COL21A1: variants seen among roughly 807,000 people sequenced by gnomAD.
COL21A1 encodes collagen alpha-1(XXI) chain.
Under a neutral mutation model 137.9 loss-of-function variants are expected in COL21A1, and 149 were observed. The ratio of observed to expected loss-of-function variants is 1.08; its 90% CI spans 0.95 to 1.24. COL21A1 has a LOEUF of 1.24. Ranked by LOEUF, COL21A1 falls within the 50% of genes most tolerant of loss-of-function variation. The pLI is 0.00. For synonymous variants in COL21A1, 456 were observed against 391.5 expected, an observed-to-expected ratio of 1.16 and a Z score of -1.95; for missense variants, 1,167 against 1,158.4, an observed-to-expected ratio of 1.01 and a Z score of -0.11.
At chr6:56,164,305 C>T (rs904796174) in intron 9 of COL21A1, 118 bp downstream of exon 9, 13 of 729,274 alleles carry the variant, frequency 1.8e-5, no homozygotes, top group Non-Finnish European at 3.0e-5. Flanking sequence ...AGGTTTTAAA[C>T]TCTATAAGAA....
intron 1 of COL21A1, among the ~76,000 whole-genome samples, chr6:56,199,030 A>T (rs1291695821): frequency 6.6e-6 from 1 of 151,878 alleles, no homozygotes; most frequent in Non-Finnish European, 1.5e-5. Context: ...TCCCTTCTCC[A>T]CTCTTCCCAC....
chr6:56,285,638 T>C (rs866088186), intron 1 of COL21A1, among the ~76,000 whole-genome samples: 37 of 152,326 alleles, frequency 2.4e-4, no homozygotes, highest in Middle Eastern at 6.8e-3. Flanking sequence ...TAAATTGGTA[T>C]AGTCTTCTCA....
At chr6:56,169,475 C>T (rs1206088072) in intron 5 of COL21A1, among the ~76,000 whole-genome samples, 2 of 152,104 alleles carry the variant, frequency 1.3e-5, no homozygotes, top group Admixed American at 6.5e-5. Flanking sequence ...GTCCAAACCA[C>T]ATTATATGGC....
intron 3 of COL21A1, among the ~76,000 whole-genome samples, chr6:56,176,430 A>T (rs997065632): frequency 1.1e-4 from 17 of 150,978 alleles, no homozygotes; most frequent in Non-Finnish European, 1.6e-4. Flanking sequence ...AACAAAAAAA[A>T]AACTGATTAA....
rs554488734 is a variant in COL21A1 at position 56,276,738 on chromosome 6, C to T, written c.-38-94082G>A. The T allele has an allele frequency of 3.8e-6, 5 of 1,323,472 alleles. No homozygotes were observed. In the Admixed American group the frequency reaches 5.1e-5, roughly 13 times the overall value. The allele number at this position is 1,323,472 out of a possible 1,614,324, so 82.0% of individuals were successfully genotyped here. A position where few individuals can be genotyped will look rare whatever the true frequency, so the allele number is the denominator to read the frequency against. ...CACGGCTTCCTTATAAACAGAACTG[C>T]CATCAAGTATCCAAATCATCTCTAC... On this transcript the variant is annotated intron_variant, in intron 1 of 28. Transcript: ENST00000370819.
At chr6:56,322,746 T>C (rs1291635303) in intron 1 of COL21A1, among the ~76,000 whole-genome samples, 3 of 152,092 alleles carry the variant, frequency 2.0e-5, no homozygotes, top group Non-Finnish European at 4.4e-5. Flanking sequence ...ATAACTTATA[T>C]AGTTGACTGT....
intron 1 of COL21A1, among the ~76,000 whole-genome samples, chr6:56,266,791 T>C (rs989209199): frequency 1.3e-5 from 2 of 152,268 alleles, no homozygotes; most frequent in African/African-American, 4.8e-5. Context: ...AGAATCACTT[T>C]ATTCTTTAAA....
At chr6:56,327,626 A>G (rs1179549289) in intron 1 of COL21A1, among the ~76,000 whole-genome samples, 1 of 152,050 alleles carries the variant, frequency 6.6e-6, no homozygotes, top group Non-Finnish European at 1.5e-5. Context: ...AGTAGTCTGG[A>G]GCCAAGGAGG....
intron 1 of COL21A1, among the ~76,000 whole-genome samples, chr6:56,327,852 C>A (rs1227815467): frequency 1.3e-5 from 2 of 152,008 alleles, no homozygotes; most frequent in Non-Finnish European, 2.9e-5. Flanking sequence ...AATGAGACAA[C>A]CATCCATAGA....
intron 1 of COL21A1, among the ~76,000 whole-genome samples, chr6:56,393,415 A>G (rs1562084128): frequency 6.6e-6 from 1 of 152,152 alleles, no homozygotes; most frequent in African/African-American, 2.4e-5. Flanking sequence ...AATTGGGGAA[A>G]CTCTCCAGAA....
At chr6:56,098,975 A>C (rs982097827) in intron 17 of COL21A1, among the ~76,000 whole-genome samples, 1 of 150,242 alleles carries the variant, frequency 6.7e-6, no homozygotes, top group African/African-American at 2.4e-5. Flanking sequence ...TCGGCCTCCC[A>C]AAGTGCTGGG....
chr6:56,096,728 T>C (rs755480697), intron 17 of COL21A1, among the ~76,000 whole-genome samples: 2 of 152,172 alleles, frequency 1.3e-5, no homozygotes, highest in Non-Finnish European at 2.9e-5. Flanking sequence ...CTGTGTTTAA[T>C]TAGCTTTAAA....
At chr6:56,201,373 C>T (rs1289241726) in intron 1 of COL21A1, among the ~76,000 whole-genome samples, 1 of 152,104 alleles carries the variant, frequency 6.6e-6, no homozygotes, top group Non-Finnish European at 1.5e-5. Flanking sequence ...ACACGAAGTC[C>T]TTGCCCATGC....
intron 1 of COL21A1, among the ~76,000 whole-genome samples, chr6:56,183,376 A>G (rs1306525705): frequency 1.3e-5 from 2 of 152,228 alleles, no homozygotes; most frequent in South Asian, 2.1e-4. Flanking sequence ...ATGATTCACA[A>G]CTGCTTTAAT....
intron 1 of COL21A1, among the ~76,000 whole-genome samples, chr6:56,275,287 T>C (rs914286991): frequency 6.6e-6 from 1 of 152,126 alleles, no homozygotes; most frequent in Admixed American, 6.6e-5. Context: ...GATACCCTTC[T>C]CTACATTGCC....
chr6:56,060,942 C>T lies in COL21A1; in HGVS notation c.2301G>A (p.Gly767=), dbSNP rs777944369. 1.1e-5 allele frequency: 17 copies of T among 1,592,172 alleles called. No homozygotes were observed. Among genetic ancestry groups the T allele is most frequent in the Middle Eastern group, 1.7e-4 (1 of 5,962 alleles). The change falls in exon 26 of 30, where the codon GGG becomes GGA. Residue 767 remains glycine (G), a synonymous_variant. Transcript: ENST00000244728. ...DGLMGPAGPK[G]QPGDPGPQGP... ...CCTGAGGACCTGGATCCCCAGGTTG[C>T]CCCTTAGGACCTGCGGGCCCCATCA...
At chr6:56,191,833 G>A (rs947591680) in intron 1 of COL21A1, among the ~76,000 whole-genome samples, 10 of 151,092 alleles carry the variant, frequency 6.6e-5, no homozygotes, top group African/African-American at 9.7e-5. Context: ...TTTTCTTCAC[G>A]GAACTGGAAA....
intron 16 of COL21A1, among the ~76,000 whole-genome samples, chr6:56,106,317 T>G (rs940916296): frequency 1.3e-5 from 2 of 152,210 alleles, no homozygotes; most frequent in Non-Finnish European, 2.9e-5. Context: ...TCATTCAATC[T>G]AAGATAATTC....
intron 1 of COL21A1, among the ~76,000 whole-genome samples, chr6:56,369,641 T>C (rs764484700): frequency 6.6e-6 from 1 of 152,242 alleles, no homozygotes; most frequent in Non-Finnish European, 1.5e-5. Flanking sequence ...GGAGTTAATG[T>C]GTTCAACAGA....
Sources: gnomAD v4.1 joint callset for allele counts (sites outside exome capture counted in the v4.1 genomes callset) on GRCh38, gnomAD v4.1.1 for gene constraint, MANE v1.5 for transcripts, NCBI Gene and HGNC (gene_info 2026-07-23, HGNC 2026-07-21) for gene names.